The following UNC13B variants were observed in gnomAD, a reference collection of about 807,000 sequenced individuals.
UNC13B encodes the protein protein unc-13 homolog B.
UNC13B carries 144 observed loss-of-function variants against 211.0 expected under a neutral mutation model. The ratio of observed to expected loss-of-function variants is 0.68; its 90% CI spans 0.60 to 0.78. The LOEUF (loss-of-function observed/expected upper bound fraction) is 0.78, where lower values mean the gene tolerates loss of function less well. Among genes scored for constraint, UNC13B ranks in the 30% least tolerant of loss-of-function variants. The probability of loss-of-function intolerance (pLI) is 0.00; values close to 1 mark genes in which losing one functional copy is unlikely to be tolerated. For synonymous variants in UNC13B, 709 were observed against 725.8 expected (o/e 0.98, Z 0.37); for missense variants, 1,777 against 2,002.0 (o/e 0.89, Z 2.14).
chr9:35,382,218 C>T, intron 20 of UNC13B, 139 bp from the exon 21 acceptor site: 2 of 1,149,848 alleles, frequency 1.7e-6, no homozygotes, highest in Non-Finnish European at 2.5e-6. Flanking sequence ...GAGCTGTGTG[C>T]AGAAAGTAGC....
chr9:35,174,147 T>C (rs11792024), intron 1 of UNC13B, among the ~76,000 whole-genome samples: 513 of 152,038 alleles, frequency 3.4e-3, no homozygotes, highest in Middle Eastern at 0.017. Context: ...TCTCTCTCTC[T>C]CTTTTTTTGA....
intron 1 of UNC13B, among the ~76,000 whole-genome samples, chr9:35,163,528 A>G (rs1253485150): frequency 1.3e-5 from 2 of 152,146 alleles, no homozygotes; most frequent in Non-Finnish European, 2.9e-5. Context: ...TTAGTAAGAC[A>G]TTTTCTCTCA....
intron 6 of UNC13B, among the ~76,000 whole-genome samples, chr9:35,252,105 A>C (rs1826528750): frequency 1.3e-5 from 2 of 152,080 alleles, no homozygotes; most frequent in African/African-American, 4.8e-5. Flanking sequence ...ATGTTCCTTT[A>C]TCTCTCTTAT....
chr9:35,175,700 C>T, intron 1 of UNC13B, among the ~76,000 whole-genome samples: 1 of 152,036 alleles, frequency 6.6e-6, no homozygotes, highest in Non-Finnish European at 1.5e-5. Flanking sequence ...TTCAGAAGTT[C>T]TGCAGTGAAG....
intron 11 of UNC13B, chr9:35,353,420 G>C: frequency 9.7e-6 from 12 of 1,232,302 alleles, no homozygotes; most frequent in African/African-American, 1.5e-5. Flanking sequence ...TCTTGGGACA[G>C]TGAGTTCAGG....
intron 15 of UNC13B, among the ~76,000 whole-genome samples, chr9:35,376,886 T>A (rs1834452251): frequency 6.6e-6 from 1 of 152,134 alleles, no homozygotes; most frequent in Non-Finnish European, 1.5e-5. Context: ...AAAGTTCATA[T>A]CTCCTTGCTC....
chr9:35,275,831 G>A (rs928374578), intron 7 of UNC13B, among the ~76,000 whole-genome samples: 2 of 152,076 alleles, frequency 1.3e-5, no homozygotes, highest in African/African-American at 4.8e-5. Flanking sequence ...GACATCAAAT[G>A]ATCTGCCTGC....
At position 35,306,925 on chromosome 9, in the gene UNC13B, A is replaced by C; in HGVS notation, c.7521A>C (p.Lys2507Asn). Residue 2507 changes from lysine (K) to asparagine (N), a missense_variant, in exon 9 of 40, where the codon AAA becomes AAC. Lys to Asn is a moderately conservative substitution (Grantham distance 94). Coordinates refer to ENST00000635942, the MANE Select transcript of UNC13B (RefSeq NM_001371189.2). Reference sequence around the variant, plus strand: ...CTGATGTATCATCTCAGCCCCTCAAAGGTGAATTATTTGGAATTTTCAAAA... The same window carrying C: ...CTGATGTATCATCTCAGCCCCTCAACGGTGAATTATTTGGAATTTTCAAAA... ...LASDVSSQPL[K>N]GELFGIFKSP... 2.5e-6 allele frequency: 1 copy of C among 398,970 alleles called. No individual in the cohort carries two copies. Among genetic ancestry groups the C allele is most frequent in the Admixed American group, 4.4e-5 (1 of 22,726 alleles). 24.7% of individuals were successfully genotyped at this position (398,970 alleles called of 1,614,324 possible). A position where few individuals can be genotyped will look rare whatever the true frequency, so the allele number is the denominator to read the frequency against.
intron 11 of UNC13B, among the ~76,000 whole-genome samples, chr9:35,325,141 A>C (rs1342241646): frequency 6.6e-6 from 1 of 152,218 alleles, no homozygotes; most frequent in Non-Finnish European, 1.5e-5. Flanking sequence ...GAGAAGGATG[A>C]GGTAACTATC....
intron 1 of UNC13B, among the ~76,000 whole-genome samples, chr9:35,184,755 A>AG (rs1223679340): frequency 1.3e-4 from 11 of 87,184 alleles, no homozygotes; most frequent in Non-Finnish European, 1.7e-4. Flanking sequence ...AAAGAAAGAA[A>AG]GAAAGGAAGG....
chr9:35,359,379 G>A (rs1010807644), intron 11 of UNC13B, among the ~76,000 whole-genome samples: 40 of 152,002 alleles, frequency 2.6e-4, no homozygotes, highest in African/African-American at 8.7e-4. Flanking sequence ...GACTTCCTAT[G>A]CTCACTTCCT....
intron 1 of UNC13B, among the ~76,000 whole-genome samples, chr9:35,170,832 G>A (rs1339949818): frequency 6.6e-6 from 1 of 151,588 alleles, no homozygotes; most frequent in African/African-American, 2.4e-5. Context: ...TTTGAGACAG[G>A]TTCTTATTCT....
intron 8 of UNC13B, among the ~76,000 whole-genome samples, chr9:35,297,187 C>T (rs958311283): frequency 6.7e-6 from 1 of 149,376 alleles, no homozygotes; most frequent in African/African-American, 2.5e-5. Context: ...ATCCCCGGTT[C>T]AAGTGATTCT....
chr9:35,257,199 C>G (rs1188017328), intron 6 of UNC13B, among the ~76,000 whole-genome samples: 2 of 151,392 alleles, frequency 1.3e-5, no homozygotes, highest in Admixed American at 1.3e-4. Flanking sequence ...TGGCTCACAC[C>G]TGTAATCCCA....
At position 35,381,633 on chromosome 9, in the gene UNC13B, G is replaced by C; in HGVS notation, c.10569G>C (p.Trp3523Cys). ...RIPEARGDDA[W>C]KVYFDETAQE... ...CTGAAGCTCGAGGAGACGATGCCTG[G>C]AAGGTGTACTTTGATGAGACAGCCC... is the stretch of plus-strand genomic sequence containing the variant. Residue 3523 changes from tryptophan to cysteine, a missense_variant, in exon 20 of 40, where the codon TGG becomes TGC. Transcript: ENST00000635942. 1 of 1,614,246 alleles carries C rather than the reference G, an allele frequency of 6.2e-7. No homozygotes were observed. The highest frequency in any genetic ancestry group is 8.5e-7 in the Non-Finnish European group (1 of 1,180,044).
At chr9:35,402,121 C>A in intron 37 of UNC13B, 1 of 961,898 alleles carries the variant, frequency 1.0e-6, no homozygotes, top group Non-Finnish European at 1.6e-6. Flanking sequence ...GGTTTAGGAG[C>A]TCTATCTCAA....
At chr9:35,232,460 G>C (rs985742075) in intron 3 of UNC13B, among the ~76,000 whole-genome samples, 1 of 151,894 alleles carries the variant, frequency 6.6e-6, no homozygotes, top group African/African-American at 2.4e-5. Context: ...GGGATTACAG[G>C]TGTTAGCCAC....
chr9:35,375,096 G>C (rs372140577), intron 13 of UNC13B, 31 bp from the exon 14 acceptor site: 148 of 1,612,690 alleles, frequency 9.2e-5, no homozygotes, highest in Middle Eastern at 6.6e-4. Context: ...CTTGGCAGTG[G>C]TCAGGGCTAA....
intron 26 of UNC13B, among the ~76,000 whole-genome samples, chr9:35,392,714 G>A (rs922150214): frequency 2.0e-5 from 3 of 151,800 alleles, no homozygotes; most frequent in African/African-American, 7.3e-5. Context: ...AGTGGGTGCA[G>A]TGCACCAGCA....
Sources: allele counts gnomAD v4.1 joint callset (sites outside exome capture counted in the v4.1 genomes callset), GRCh38; gene constraint gnomAD v4.1.1; transcripts MANE v1.5; gene names NCBI Gene and HGNC (gene_info 2026-07-23, HGNC 2026-07-21).